The following CAAP1 variants were observed in gnomAD, a reference collection of about 807,000 sequenced individuals.
CAAP1 encodes caspase activity and apoptosis inhibitor 1, also known as conserved anti-apoptotic protein.
A neutral mutation model predicts 34.0 loss-of-function variants in CAAP1; 20 were observed. That is an observed-to-expected ratio of 0.59 (90% CI 0.41 to 0.86). The LOEUF is 0.86. Among genes scored for constraint, CAAP1 ranks in the 40% least tolerant of loss-of-function variants. The probability of loss-of-function intolerance (pLI) is 0.00; values close to 1 mark genes in which losing one functional copy is unlikely to be tolerated. For missense variants in CAAP1, 538 were observed against 450.5 expected, an observed-to-expected ratio of 1.19 and a Z score of -1.76; for synonymous variants, 213 against 166.7, an observed-to-expected ratio of 1.28 and a Z score of -2.14.
chr9:26,849,764 C>G (rs959352275), intron 5 of CAAP1, among the ~76,000 whole-genome samples: 2 of 152,004 alleles, frequency 1.3e-5, no homozygotes, highest in African/African-American at 4.8e-5. Context: ...AGAACCCAAA[C>G]ACCTCTTTAG....
chr9:26,855,646 T>G (rs561795128), intron 5 of CAAP1, among the ~76,000 whole-genome samples: 20 of 152,324 alleles, frequency 1.3e-4, no homozygotes, highest in African/African-American at 4.8e-4. Context: ...GTGTATCAAC[T>G]ATACGATGTA....
chr9:26,871,690 G>A (rs1823279008), intron 4 of CAAP1, among the ~76,000 whole-genome samples: 1 of 151,910 alleles, frequency 6.6e-6, no homozygotes, highest in African/African-American at 2.4e-5. Context: ...TTGGGAAGCC[G>A]AGGTGGGTGG....
At chr9:26,875,908 G>C (rs959001621) in intron 4 of CAAP1, among the ~76,000 whole-genome samples, 2 of 152,002 alleles carry the variant, frequency 1.3e-5, no homozygotes, top group African/African-American at 2.4e-5. Flanking sequence ...TATTGCTCTA[G>C]GCAACCAATC....
intron 1 of CAAP1, among the ~76,000 whole-genome samples, chr9:26,888,434 C>A (rs533911462): frequency 6.6e-5 from 10 of 152,290 alleles, no homozygotes; most frequent in Admixed American, 5.2e-4. Context: ...ACTATATTCA[C>A]AAGATTAACA....
At chr9:26,843,335 A>G in intron 5 of CAAP1, among the ~76,000 whole-genome samples, 1 of 152,210 alleles carries the variant, frequency 6.6e-6, no homozygotes, top group East Asian at 1.9e-4. Context: ...AACACAGATT[A>G]TGGTTCTCGA....
intron 1 of CAAP1, 81 bp downstream of exon 1, chr9:26,892,332 C>A (rs779103037): frequency 1.3e-6 from 2 of 1,563,574 alleles, no homozygotes; most frequent in South Asian, 2.3e-5. Flanking sequence ...GAGCTCCAGC[C>A]TGCGCCCCAT....
Position 26,886,096 on chromosome 9 carries a change from A to T in CAAP1, c.589+8T>A. On this transcript the variant is annotated splice_region_variant and intron_variant, in intron 3 of 5. Coordinates refer to ENST00000333916, the MANE Select transcript of CAAP1 (RefSeq NM_024828.4). ...AAGTTGCCAGAATGTAAAAATATGTATTCTTACCCTCAAGAATCTTCAAAA... is the reference window on the plus strand; with the variant it reads ...AAGTTGCCAGAATGTAAAAATATGTTTTCTTACCCTCAAGAATCTTCAAAA... 6.8e-7 allele frequency: 1 copy of T among 1,470,254 alleles called. No homozygotes were observed. The highest frequency in any genetic ancestry group is 9.2e-7 in the Non-Finnish European group (1 of 1,084,716). The allele number at this position is 1,470,254 out of a possible 1,614,324, so 91.1% of individuals were successfully genotyped here.
intron 4 of CAAP1, among the ~76,000 whole-genome samples, chr9:26,878,895 T>A (rs1488286996): frequency 6.6e-6 from 1 of 152,160 alleles, no homozygotes; most frequent in Non-Finnish European, 1.5e-5. Context: ...GTAAACACTT[T>A]GTAGTTATTA....
At chr9:26,848,750 C>G (rs1420803022) in intron 5 of CAAP1, among the ~76,000 whole-genome samples, 2 of 152,086 alleles carry the variant, frequency 1.3e-5, no homozygotes, top group African/African-American at 4.8e-5. Flanking sequence ...GAGTATATTA[C>G]TTTTAGAGAG....
chr9:26,860,646 G>A (rs1461109872), intron 5 of CAAP1, among the ~76,000 whole-genome samples: 1 of 152,070 alleles, frequency 6.6e-6, no homozygotes, highest in Non-Finnish European at 1.5e-5. Context: ...CAAAACATTA[G>A]CTGGGCGTGG....
chr9:26,858,361 A>T (rs938966213), intron 5 of CAAP1, among the ~76,000 whole-genome samples: 1 of 152,240 alleles, frequency 6.6e-6, no homozygotes, highest in African/African-American at 2.4e-5. Flanking sequence ...GGTAACTTCA[A>T]GCAAGTTACT....
intron 4 of CAAP1, among the ~76,000 whole-genome samples, chr9:26,884,274 T>G (rs1056593720): frequency 2.6e-5 from 4 of 152,218 alleles, no homozygotes; most frequent in Non-Finnish European, 4.4e-5. Flanking sequence ...AGCATGTAGC[T>G]TCTTGATTAG....
At chr9:26,890,772 C>A (rs1027235287) in intron 1 of CAAP1, among the ~76,000 whole-genome samples, 1 of 152,010 alleles carries the variant, frequency 6.6e-6, no homozygotes, top group African/African-American at 2.4e-5. Flanking sequence ...GGTGAAACCC[C>A]GTCTCTACTG....
rs1035067352 is a variant in CAAP1, at chr9:26,842,546, C to T, written c.841G>A (p.Glu281Lys). The T allele has an allele frequency of 6.2e-7, 1 of 1,614,192 alleles. No homozygotes were observed. Among genetic ancestry groups the T allele is most frequent in the Non-Finnish European group, 8.5e-7 (1 of 1,180,028 alleles). The change falls in exon 6 of 6, where the codon GAA becomes AAA. Residue 281 changes from glutamate to lysine, a missense_variant. Physicochemically the swap from Glu to Lys is moderately conservative, Grantham distance 56. Coordinates refer to ENST00000333916, the MANE Select transcript of CAAP1 (RefSeq NM_024828.4). ...NEEAAAPEAP[E>K]NTVQSEAGQI... The stretch of plus-strand genomic sequence containing the variant: ...CCAGCTTCACTTTGGACTGTATTTT[C>T]TGGTGCCTCGGGAGCAGCTGCTTCT...
At chr9:26,878,621 C>T (rs1823504903) in intron 4 of CAAP1, among the ~76,000 whole-genome samples, 1 of 152,164 alleles carries the variant, frequency 6.6e-6, no homozygotes, top group African/African-American at 2.4e-5. Context: ...CATCTTCCTC[C>T]ACTTCCACAC....
intron 4 of CAAP1, among the ~76,000 whole-genome samples, chr9:26,876,897 T>C (rs964289368): frequency 6.6e-6 from 1 of 152,154 alleles, no homozygotes. Flanking sequence ...CTCATGTCTG[T>C]AATCCTAGCA....
At chr9:26,846,858 C>A (rs948708746) in intron 5 of CAAP1, among the ~76,000 whole-genome samples, 5 of 151,236 alleles carry the variant, frequency 3.3e-5, no homozygotes, top group African/African-American at 1.2e-4. Flanking sequence ...TGGCTAATTT[C>A]GTATTTTTAG....
At chr9:26,845,559 G>A (rs1822579893) in intron 5 of CAAP1, among the ~76,000 whole-genome samples, 1 of 152,098 alleles carries the variant, frequency 6.6e-6, no homozygotes, top group Admixed American at 6.5e-5. Context: ...TATTTTTAAT[G>A]GAGACGGGGT....
intron 5 of CAAP1, among the ~76,000 whole-genome samples, chr9:26,854,287 T>C (rs1056250032): frequency 6.6e-6 from 1 of 152,216 alleles, no homozygotes; most frequent in African/African-American, 2.4e-5. Context: ...TATCCTCATT[T>C]TATAAATGAG....
Sources: gnomAD v4.1 joint callset for allele counts (sites outside exome capture counted in the v4.1 genomes callset) on GRCh38, gnomAD v4.1.1 for gene constraint, MANE v1.5 for transcripts, NCBI Gene and HGNC (gene_info 2026-07-23, HGNC 2026-07-21) for gene names.